ADGRL3: variants seen among roughly 807,000 people sequenced by gnomAD.
The protein encoded by ADGRL3 is adhesion G protein-coupled receptor L3.
A neutral mutation model predicts 153.5 loss-of-function variants in ADGRL3; 62 were observed. That is an observed-to-expected ratio of 0.40 (90% CI 0.33 to 0.50). The LOEUF is 0.50. Among genes scored for constraint, ADGRL3 ranks in the 20% least tolerant of loss-of-function variants. The pLI, the probability that ADGRL3 is intolerant of heterozygous loss-of-function variation, is 0.47. For missense variants in ADGRL3, 1,641 were observed against 1,859.4 expected (o/e 0.88, Z 2.16); for synonymous variants, 710 against 672.5 (o/e 1.06, Z -0.86).
chr4:61,621,931 G>A (rs1245362719), intron 5 of ADGRL3, among the ~76,000 whole-genome samples: 1 of 152,076 alleles, frequency 6.6e-6, no homozygotes, highest in African/African-American at 2.4e-5. Context: ...AGAAATTATT[G>A]TTTTTGTCTA....
At position 61,224,076 on chromosome 4, in the gene ADGRL3, A is replaced by C. The variant is rs1047863324; in HGVS notation, c.-240+22311A>C. Among the ~76,000 whole-genome samples the C allele has an allele frequency of 2.0e-5, 3 of 152,086 alleles. No homozygotes were observed. The East Asian group carries it at 5.8e-4, about 29-fold the overall frequency. ...TGTTAAATTTTCATTTTCAAAAATA[A>C]TACTTAAATTTTTATTTTCAAAAAT... is the stretch of plus-strand genomic sequence containing the variant. On this transcript the variant is annotated intron_variant, in intron 1 of 26. Coordinates refer to ENST00000683033, the MANE Select transcript of ADGRL3 (RefSeq NM_001387552.1).
intron 8 of ADGRL3, among the ~76,000 whole-genome samples, chr4:61,778,210 T>C (rs1312882867): frequency 1.3e-5 from 2 of 152,210 alleles, no homozygotes; most frequent in Non-Finnish European, 2.9e-5. Context: ...TGCTTAGACT[T>C]GGATCCCATC....
At chr4:61,484,607 A>G (rs4860416) in intron 2 of ADGRL3, among the ~76,000 whole-genome samples, 18,085 of 152,198 alleles carry the variant, frequency 0.12, 1,305 homozygotes, top group Non-Finnish European at 0.15. Flanking sequence ...TTAGAATGAA[A>G]TGAAATAATG....
In ADGRL3 at chr4:61,557,107, TG is replaced by T. The variant is rs1467675016; in HGVS notation, c.260-30117del. 7.2e-5 allele frequency among the ~76,000 whole-genome samples: 11 copies of T among 152,114 alleles called. No individual in the cohort carries two copies. In the East Asian group the frequency reaches 2.1e-3, roughly 29 times the overall value. ...AAATCAGAGGTAAGATAAAAGATGA[TG>T]GGAGAGAGATCAGTCTCTAAATTAT... On this transcript the variant is annotated intron_variant, in intron 4 of 26. Transcript: ENST00000683033.
intron 1 of ADGRL3, among the ~76,000 whole-genome samples, chr4:61,254,723 A>G (rs921052457): frequency 6.6e-6 from 1 of 152,160 alleles, no homozygotes; most frequent in Non-Finnish European, 1.5e-5. Flanking sequence ...TAAGTTCCCG[A>G]ACAAATTTTT....
intron 1 of ADGRL3, among the ~76,000 whole-genome samples, chr4:61,340,130 T>G (rs1469405844): frequency 1.3e-5 from 2 of 152,164 alleles, no homozygotes; most frequent in African/African-American, 4.8e-5. Flanking sequence ...GATGTGGTGA[T>G]TAGGCTTGTA....
chr4:61,292,575 G>A (rs974178899), intron 1 of ADGRL3, among the ~76,000 whole-genome samples: 2 of 152,110 alleles, frequency 1.3e-5, no homozygotes, highest in African/African-American at 4.8e-5. Flanking sequence ...TTTAAAGACT[G>A]CCAACAGTGC....
chr4:61,828,423 G>A (rs561346239), intron 9 of ADGRL3, among the ~76,000 whole-genome samples: 1 of 152,192 alleles, frequency 6.6e-6, no homozygotes, highest in South Asian at 2.1e-4. Flanking sequence ...CAGGGTGCGG[G>A]GGATGGGGTG....
intron 1 of ADGRL3, among the ~76,000 whole-genome samples, chr4:61,256,439 G>A (rs2091975023): frequency 1.3e-5 from 2 of 152,032 alleles, no homozygotes; most frequent in East Asian, 1.9e-4. Flanking sequence ...TGATGAAAAC[G>A]GTGAGTTTTT....
At chr4:61,953,113 A>T (rs2098953741) in intron 17 of ADGRL3, among the ~76,000 whole-genome samples, 3 of 152,208 alleles carry the variant, frequency 2.0e-5, no homozygotes, top group African/African-American at 4.8e-5. Flanking sequence ...TCAAAAAGAA[A>T]CACACTAACC....
intron 1 of ADGRL3, among the ~76,000 whole-genome samples, chr4:61,333,668 C>T (rs1181374027): frequency 1.3e-5 from 2 of 152,076 alleles, no homozygotes; most frequent in Non-Finnish European, 2.9e-5. Context: ...TCACGGCTTA[C>T]TGCATGCAGC....
intron 1 of ADGRL3, among the ~76,000 whole-genome samples, chr4:61,259,220 G>A (rs1012833524): frequency 3.3e-5 from 5 of 151,996 alleles, no homozygotes; most frequent in Non-Finnish European, 7.4e-5. Context: ...TCAGGAGATC[G>A]AGACCATCCT....
intron 1 of ADGRL3, among the ~76,000 whole-genome samples, chr4:61,240,719 G>A (rs1003059393): frequency 1.3e-5 from 2 of 151,994 alleles, no homozygotes; most frequent in Non-Finnish European, 2.9e-5. Context: ...TGCCAGCAGA[G>A]TTTCCATAAA....
chr4:61,494,217 C>T (rs1338978194), intron 2 of ADGRL3, among the ~76,000 whole-genome samples: 1 of 151,848 alleles, frequency 6.6e-6, no homozygotes, highest in East Asian at 1.9e-4. Flanking sequence ...ATCTAGATGG[C>T]AGCTCATAAT....
rs919405626 is a variant in ADGRL3 at position 61,299,207 on chromosome 4, A to C, written c.-239-83917A>C. Among the ~76,000 whole-genome samples the C allele has an allele frequency of 8.6e-5, 13 of 151,918 alleles. No homozygotes were observed. In the South Asian group the frequency reaches 2.7e-3, roughly 32 times the overall value. ...TTCTTAGATTTCAGTGGCATCGTTC[A>C]GAACATTGAAATAACACTTCACATA... On this transcript the variant is annotated intron_variant, in intron 1 of 26. Coordinates refer to ENST00000683033, the MANE Select transcript of ADGRL3 (RefSeq NM_001387552.1).
At chr4:62,063,416 A>C (rs2151879644) in intron 25 of ADGRL3, 1 of 562,712 alleles carries the variant, frequency 1.8e-6, no homozygotes, top group Non-Finnish European at 3.2e-6. Flanking sequence ...AATTGTTGTC[A>C]TTCTAAATGT....
At chr4:61,701,787 C>CT (rs1561088827) in intron 6 of ADGRL3, among the ~76,000 whole-genome samples, 2 of 152,010 alleles carry the variant, frequency 1.3e-5, no homozygotes, top group African/African-American at 4.8e-5. Context: ...AAGGCACCTT[C>CT]TTTTTTTAAT....
chr4:61,834,422 G>A (rs538826388), intron 9 of ADGRL3, among the ~76,000 whole-genome samples: 2 of 152,200 alleles, frequency 1.3e-5, no homozygotes, highest in Admixed American at 6.5e-5. Context: ...ATAAACATAC[G>A]TGTGCATGTG....
chr4:61,865,382 A>G (rs1003064656), intron 9 of ADGRL3, among the ~76,000 whole-genome samples: 6 of 150,902 alleles, frequency 4.0e-5, no homozygotes, highest in African/African-American at 1.5e-4. Context: ...AATAGCATAT[A>G]TAACTGGAAG....
Sources: allele counts gnomAD v4.1 joint callset (sites outside exome capture counted in the v4.1 genomes callset), GRCh38; gene constraint gnomAD v4.1.1; transcripts MANE v1.5; gene names NCBI Gene and HGNC (gene_info 2026-07-23, HGNC 2026-07-21).